Variants in ZNRF3 observed in about 807,000 individuals in gnomAD.
The protein encoded by ZNRF3 is zinc and ring finger 3.
ZNRF3 carries 23 observed loss-of-function variants against 72.5 expected under a neutral mutation model. The observed-to-expected ratio is 0.32, with a 90% confidence interval of 0.23 to 0.45. The LOEUF (loss-of-function observed/expected upper bound fraction) is 0.45, where lower values mean the gene tolerates loss of function less well. Ranked by LOEUF, ZNRF3 falls within the 20% of genes least tolerant of loss-of-function variation. The pLI, the probability that ZNRF3 is intolerant of heterozygous loss-of-function variation, is 1.00. For missense variants in ZNRF3, 1,169 were observed against 1,272.1 expected, an observed-to-expected ratio of 0.92 and a Z score of 1.23; for synonymous variants, 610 against 545.3, an observed-to-expected ratio of 1.12 and a Z score of -1.65.
chr22:28,997,528 G>A (rs917735495), intron 2 of ZNRF3, among the ~76,000 whole-genome samples: 1 of 152,164 alleles, frequency 6.6e-6, no homozygotes, highest in South Asian at 2.1e-4. Context: ...CTATGGTTCT[G>A]TTGGGAATTG....
At chr22:28,994,002 C>T (rs1377006382) in intron 2 of ZNRF3, among the ~76,000 whole-genome samples, 1 of 151,678 alleles carries the variant, frequency 6.6e-6, no homozygotes, top group Non-Finnish European at 1.5e-5. Flanking sequence ...TGAGCTCCTG[C>T]AGTCACTTAA....
Position 29,032,652 on chromosome 22 carries a change from AT to A in ZNRF3, c.427-9842del, listed in dbSNP as rs367718943. 9.6e-4 allele frequency among the ~76,000 whole-genome samples: 147 copies of A among 152,344 alleles called. 3 individuals are homozygous for A. Among genetic ancestry groups the A allele is most frequent in the African/African-American group, 3.5e-3 (146 of 41,570 alleles). On this transcript the variant is annotated intron_variant, in intron 2 of 8. Coordinates refer to ENST00000544604, the MANE Select transcript of ZNRF3 (RefSeq NM_001206998.2). Reference sequence around the variant, plus strand: ...GATAGGTGGCCTAGAGTGAGCTGCAATCAGTGCTTTCAGTAGCAGGGCCCAT... The same window carrying A: ...GATAGGTGGCCTAGAGTGAGCTGCAACAGTGCTTTCAGTAGCAGGGCCCAT...
chr22:28,952,951 G>C (rs2035191568), intron 1 of ZNRF3, among the ~76,000 whole-genome samples: 1 of 152,184 alleles, frequency 6.6e-6, no homozygotes, highest in South Asian at 2.1e-4. Context: ...CTAAAATCCA[G>C]GTTTTCCCTT....
chr22:29,019,799 G>T (rs1032201166), intron 2 of ZNRF3, among the ~76,000 whole-genome samples: 2 of 152,054 alleles, frequency 1.3e-5, no homozygotes, highest in African/African-American at 4.8e-5. Flanking sequence ...AGGAAACTAG[G>T]GATCAAATAT....
chr22:28,941,047 T>C (rs1366273426), intron 1 of ZNRF3, among the ~76,000 whole-genome samples: 1 of 152,188 alleles, frequency 6.6e-6, no homozygotes, highest in Non-Finnish European at 1.5e-5. Flanking sequence ...AAATCTTTCT[T>C]CATGTAAATA....
In ZNRF3 at chr22:29,042,116, TA is replaced by T. The variant is rs891951719; in HGVS notation, c.427-371del. ...ACAAGGTAGGTGAAATTGTCCTCTTTAAAAAAAAGTTTTCTAATTGACAGAT... is the reference window on the plus strand; with the variant it reads ...ACAAGGTAGGTGAAATTGTCCTCTTTAAAAAAAGTTTTCTAATTGACAGAT... On this transcript the variant is annotated intron_variant, in intron 2 of 8. Coordinates refer to ENST00000544604, the MANE Select transcript of ZNRF3 (RefSeq NM_001206998.2). Among the ~76,000 whole-genome samples, 11 of 152,140 alleles carry T rather than the reference TA, an allele frequency of 7.2e-5. 1 individual carries two copies. The highest frequency in any genetic ancestry group is 9.6e-5 in the African/African-American group (4 of 41,502).
At chr22:29,021,245 T>A (rs868342365) in intron 2 of ZNRF3, among the ~76,000 whole-genome samples, 79 of 151,738 alleles carry the variant, frequency 5.2e-4, no homozygotes, top group East Asian at 1.7e-3. Flanking sequence ...AAAAAATAAA[T>A]AAATAAATAA....
chr22:28,971,192 A>G (rs1402287343), intron 1 of ZNRF3, among the ~76,000 whole-genome samples: 3 of 152,080 alleles, frequency 2.0e-5, no homozygotes, highest in Non-Finnish European at 4.4e-5. Flanking sequence ...CTGTCTCTAA[A>G]AAAATGTTTT....
chr22:28,904,722 T>C (rs1485232325), intron 1 of ZNRF3, among the ~76,000 whole-genome samples: 1 of 152,154 alleles, frequency 6.6e-6, no homozygotes, highest in Non-Finnish European at 1.5e-5. Context: ...TCTGGCTGCA[T>C]TCACACACAC....
At chr22:28,962,186 C>T (rs2035374065) in intron 1 of ZNRF3, among the ~76,000 whole-genome samples, 1 of 152,200 alleles carries the variant, frequency 6.6e-6, no homozygotes, top group Non-Finnish European at 1.5e-5. Context: ...TCAATAGCAA[C>T]ATGTGGCTTG....
intron 1 of ZNRF3, among the ~76,000 whole-genome samples, chr22:28,957,799 T>C (rs953651738): frequency 1.3e-5 from 2 of 152,166 alleles, no homozygotes; most frequent in African/African-American, 4.8e-5. Flanking sequence ...TTCTTGAGAC[T>C]GTACCGTGAT....
intron 2 of ZNRF3, chr22:29,017,925 C>T (rs1306064026): frequency 2.7e-5 from 14 of 509,780 alleles, no homozygotes; most frequent in South Asian, 1.3e-4. Flanking sequence ...AGCATTGAAG[C>T]GCTTTGAGAG....
intron 1 of ZNRF3, among the ~76,000 whole-genome samples, chr22:28,928,881 A>G (rs1199076621): frequency 6.6e-6 from 1 of 152,252 alleles, no homozygotes; most frequent in Admixed American, 6.5e-5. Context: ...AAATATTTAT[A>G]CTGAATAGAT....
At chr22:28,980,077 C>G (rs559516202) in intron 1 of ZNRF3, among the ~76,000 whole-genome samples, 2 of 152,288 alleles carry the variant, frequency 1.3e-5, no homozygotes, top group South Asian at 4.1e-4. Flanking sequence ...TATTTTATCT[C>G]ATTTAATCCT....
At chr22:29,032,640 G>A (rs79696186) in intron 2 of ZNRF3, among the ~76,000 whole-genome samples, 26 of 152,324 alleles carry the variant, frequency 1.7e-4, no homozygotes, top group Non-Finnish European at 3.7e-4. Flanking sequence ...AGGTGGCCTA[G>A]AGTGAGCTGC....
intron 1 of ZNRF3, among the ~76,000 whole-genome samples, chr22:28,951,973 C>T (rs528582675): frequency 1.1e-3 from 164 of 152,350 alleles, no homozygotes; most frequent in African/African-American, 3.7e-3. Flanking sequence ...TGCTGGCCTC[C>T]ACTTGCTCCT....
intron 2 of ZNRF3, among the ~76,000 whole-genome samples, chr22:29,022,870 T>G (rs7284304): frequency 0.46 from 70,275 of 151,922 alleles, 16,675 homozygotes; most frequent in Non-Finnish European, 0.51. Context: ...CAAATGAGAG[T>G]TTTTTGGGTA....
At chr22:28,975,501 C>CT (rs2123817134) in intron 1 of ZNRF3, among the ~76,000 whole-genome samples, 1 of 99,794 alleles carries the variant, frequency 1.0e-5, no homozygotes, top group East Asian at 3.2e-4. Flanking sequence ...GAGCGATACT[C>CT]TGTCTCAAAA....
At chr22:29,035,229 G>A (rs1229914392) in intron 2 of ZNRF3, among the ~76,000 whole-genome samples, 1 of 152,088 alleles carries the variant, frequency 6.6e-6, no homozygotes, top group East Asian at 1.9e-4. Flanking sequence ...CCAAGGGTAT[G>A]CCTGGCACCC....
Sources: allele counts gnomAD v4.1 joint callset (sites outside exome capture counted in the v4.1 genomes callset), GRCh38; gene constraint gnomAD v4.1.1; transcripts MANE v1.5; gene names NCBI Gene and HGNC (gene_info 2026-07-23, HGNC 2026-07-21).